Variants in AGPS observed in about 807,000 individuals in gnomAD.
AGPS encodes alkyldihydroxyacetonephosphate synthase, peroxisomal.
A neutral mutation model predicts 90.7 loss-of-function variants in AGPS; 26 were observed. The observed-to-expected ratio is 0.29, with a 90% CI of 0.21 to 0.40. The LOEUF is 0.40. Among genes scored for constraint, AGPS ranks in the 10% least tolerant of loss-of-function variants. The pLI is 1.00. For synonymous variants in AGPS, 294 were observed against 285.3 expected (o/e 1.03, Z -0.31); for missense variants, 540 against 816.1 (o/e 0.66, Z 4.12).
chr2:177,411,072 G>T (rs1476063011), intron 1 of AGPS, among the ~76,000 whole-genome samples: 1 of 152,132 alleles, frequency 6.6e-6, no homozygotes, highest in African/African-American at 2.4e-5. Context: ...GACTAAAGCG[G>T]TGACCTTTTT....
intron 10 of AGPS, among the ~76,000 whole-genome samples, chr2:177,473,478 C>T (rs1429814684): frequency 1.3e-5 from 2 of 151,512 alleles, no homozygotes; most frequent in Non-Finnish European, 2.9e-5. Context: ...TTTTTTTAAG[C>T]AGAATGGAAA....
intron 2 of AGPS, among the ~76,000 whole-genome samples, chr2:177,429,323 C>T (rs1686171429): frequency 6.6e-6 from 1 of 152,212 alleles, no homozygotes; most frequent in Admixed American, 6.5e-5. Context: ...TTTCAACCAT[C>T]TCAGCCTTAG....
At chr2:177,449,073 T>G (rs1372534024) in intron 8 of AGPS, among the ~76,000 whole-genome samples, 2 of 152,242 alleles carry the variant, frequency 1.3e-5, no homozygotes, top group Non-Finnish European at 2.9e-5. Flanking sequence ...TGCCACTGTT[T>G]TGTTTATACA....
intron 19 of AGPS, among the ~76,000 whole-genome samples, chr2:177,533,990 A>G (rs999526296): frequency 1.2e-4 from 19 of 152,324 alleles, no homozygotes; most frequent in African/African-American, 4.3e-4. Context: ...ATGATCTTCT[A>G]AATGTATGGC....
intron 10 of AGPS, among the ~76,000 whole-genome samples, chr2:177,473,628 T>A (rs535803408): frequency 1.1e-4 from 16 of 152,356 alleles, no homozygotes; most frequent in African/African-American, 3.8e-4. Context: ...TATCACTCTG[T>A]TGACATAATA....
Position 177,476,426 on chromosome 2 carries a change from C to T in AGPS, c.1106-5633C>T, listed in dbSNP as rs559205404. On this transcript the variant is annotated intron_variant, in intron 10 of 19. Transcript: ENST00000264167. ...TTCCCTGTTGATTTCTTCTTTGACT[C>T]GATTATTTAGTAGTGTATTGTTTAA... Among the ~76,000 whole-genome samples, 94 of 152,058 alleles carry T rather than the reference C, an allele frequency of 6.2e-4. No homozygotes were observed. The Middle Eastern group carries it at 0.01, about 17-fold the overall frequency.
intron 10 of AGPS, among the ~76,000 whole-genome samples, chr2:177,469,777 A>G (rs1687558281): frequency 6.6e-6 from 1 of 152,180 alleles, no homozygotes; most frequent in South Asian, 2.1e-4. Context: ...ATTGATATTT[A>G]CATAATTGGA....
chr2:177,513,818 GGGTGGTAGATCTCT>G lies in AGPS; in HGVS notation c.1609_1622del (p.Val537Ter). 1 of 1,605,572 alleles carries G rather than the reference GGGTGGTAGATCTCT, an allele frequency of 6.2e-7. No homozygotes were observed. Among genetic ancestry groups the G allele is most frequent in the Non-Finnish European group, 8.5e-7 (1 of 1,172,546 alleles). On this transcript the variant is annotated frameshift_variant and splice_region_variant, in exon 17 of 20. Coordinates refer to ENST00000264167, the MANE Select transcript of AGPS (RefSeq NM_003659.4). LOFTEE classifies it high-confidence loss of function. The stretch of plus-strand genomic sequence containing the variant: ...TATTGTATTCATTTATCTTTTTTTA[GGGTGGTAGATCTCT>G]GTAGAAATGTAAAAGAAAGAATAAC...
At chr2:177,407,382 C>T (rs903471124) in intron 1 of AGPS, among the ~76,000 whole-genome samples, 9 of 152,138 alleles carry the variant, frequency 5.9e-5, no homozygotes, top group Non-Finnish European at 1.2e-4. Context: ...AATTAATTCA[C>T]GGTTCTGCAG....
intron 2 of AGPS, among the ~76,000 whole-genome samples, chr2:177,427,629 A>G (rs1434424016): frequency 1.3e-5 from 2 of 152,060 alleles, no homozygotes; most frequent in Non-Finnish European, 2.9e-5. Flanking sequence ...TTCAGTTTCC[A>G]TGTAGTTGTA....
intron 10 of AGPS, among the ~76,000 whole-genome samples, chr2:177,469,936 G>A (rs968291913): frequency 2.0e-5 from 3 of 152,004 alleles, no homozygotes; most frequent in South Asian, 2.1e-4. Flanking sequence ...ATACAACAGC[G>A]TGACAAATTA....
intron 10 of AGPS, among the ~76,000 whole-genome samples, chr2:177,481,773 A>C (rs564318288): frequency 6.6e-6 from 1 of 152,200 alleles, no homozygotes; most frequent in East Asian, 1.9e-4. Flanking sequence ...GTAATACTTT[A>C]AAAGCCATTT....
chr2:177,439,966 T>G (rs1029850822), intron 5 of AGPS, among the ~76,000 whole-genome samples: 1 of 152,142 alleles, frequency 6.6e-6, no homozygotes, highest in African/African-American at 2.4e-5. Context: ...TTTACAAGCA[T>G]AAAGAGAACC....
chr2:177,521,519 C>A, intron 18 of AGPS, 151 bp downstream of exon 18: 1 of 732,434 alleles, frequency 1.4e-6, no homozygotes, highest in South Asian at 1.6e-5. Context: ...TATTTGTTTC[C>A]CTGGCTTATG....
chr2:177,396,529 A>ATTGGGT (rs1215434240), intron 1 of AGPS, among the ~76,000 whole-genome samples: 1 of 152,172 alleles, frequency 6.6e-6, no homozygotes, highest in Non-Finnish European at 1.5e-5. Flanking sequence ...ACATGATCAG[A>ATTGGGT]TTGGGTTTGG....
At chr2:177,453,201 A>C (rs1282472938) in intron 8 of AGPS, among the ~76,000 whole-genome samples, 1 of 151,652 alleles carries the variant, frequency 6.6e-6, no homozygotes, top group Non-Finnish European at 1.5e-5. Flanking sequence ...ATTGCTTTTC[A>C]TGAGAAATCT....
At chr2:177,488,809 C>T (rs909492678) in intron 11 of AGPS, among the ~76,000 whole-genome samples, 1 of 152,152 alleles carries the variant, frequency 6.6e-6, no homozygotes. Context: ...TGTTTTCAAT[C>T]AAGTATAATT....
rs199800703 is a variant in AGPS, at chr2:177,508,221, G to A, written c.1607+190G>A. 2.2e-4 allele frequency among the ~76,000 whole-genome samples: 33 copies of A among 152,244 alleles called. No individual in the cohort carries two copies. In the East Asian group the frequency reaches 6.2e-3, roughly 28 times the overall value. The stretch of plus-strand genomic sequence containing the variant: ...TTTCAAGTGTTTTATTGGGTGGAGG[G>A]AGTTGAAGAAAATTTGTCTGTGATC... On this transcript the variant is annotated intron_variant, in intron 16 of 19. Coordinates refer to ENST00000264167, the MANE Select transcript of AGPS (RefSeq NM_003659.4).
At chr2:177,465,505 C>A (rs1687419667) in intron 9 of AGPS, among the ~76,000 whole-genome samples, 2 of 152,194 alleles carry the variant, frequency 1.3e-5, no homozygotes, top group South Asian at 4.1e-4. Context: ...CGCTGCTGGT[C>A]TGGATCCCAT....
Sources: allele counts gnomAD v4.1 joint callset (sites outside exome capture counted in the v4.1 genomes callset), GRCh38; gene constraint gnomAD v4.1.1; transcripts MANE v1.5; gene names NCBI Gene and HGNC (gene_info 2026-07-23, HGNC 2026-07-21).